Variants in ARMH4 observed in about 807,000 individuals in gnomAD.
ARMH4 encodes the protein armadillo-like helical domain-containing protein 4.
In ARMH4, 49 loss-of-function variants were observed where a neutral mutation model predicts 61.9. The observed-to-expected ratio is 0.79, with a 90% CI of 0.63 to 1.00. ARMH4 has a LOEUF of 1.00. Among genes scored for constraint, ARMH4 ranks in the 50% least tolerant of loss-of-function variants. The probability of loss-of-function intolerance (pLI) is 0.00; values close to 1 mark genes in which losing one functional copy is unlikely to be tolerated. For missense variants in ARMH4, 934 were observed against 930.0 expected (o/e 1.00, Z -0.06); for synonymous variants, 368 against 341.5 (o/e 1.08, Z -0.85).
intron 4 of ARMH4, among the ~76,000 whole-genome samples, chr14:58,126,460 G>A (rs1886897649): frequency 6.6e-6 from 1 of 152,118 alleles, no homozygotes; most frequent in Admixed American, 6.6e-5. Context: ...AATAAATACT[G>A]GAATTGTTCT....
rs1326475863 is a variant in ARMH4 at position 58,002,750 on chromosome 14, G to A, written c.*1986C>T. 1 of 152,204 alleles carries A rather than the reference G, an allele frequency of 6.6e-6. No individual in the cohort carries two copies. Among genetic ancestry groups the A allele is most frequent in the African/African-American group, 2.4e-5 (1 of 41,440 alleles). The allele number at this position is 152,204 out of a possible 1,614,324, so 9.4% of individuals were successfully genotyped here. On this transcript the variant is annotated 3_prime_UTR_variant, in exon 8 of 8. Coordinates refer to ENST00000267485, the MANE Select transcript of ARMH4 (RefSeq NM_001001872.4). ...GAAAACATCCCTTATGCAATATCAG[G>A]ATGTCTCTACTCGTGAAATTACAAA...
intron 5 of ARMH4, among the ~76,000 whole-genome samples, chr14:58,016,634 T>G (rs11850289): frequency 0.29 from 43,624 of 152,176 alleles, 6,419 homozygotes; most frequent in African/African-American, 0.31. Context: ...GACAGTAGAT[T>G]GCTGATAGTG....
intron 5 of ARMH4, among the ~76,000 whole-genome samples, chr14:58,026,072 C>G (rs1281222090): frequency 6.6e-6 from 1 of 151,718 alleles, no homozygotes; most frequent in Non-Finnish European, 1.5e-5. Context: ...CTGCAATCAA[C>G]TGTACATCCT....
At chr14:58,108,856 T>C (rs1886253183) in intron 4 of ARMH4, among the ~76,000 whole-genome samples, 1 of 152,240 alleles carries the variant, frequency 6.6e-6, no homozygotes, top group Non-Finnish European at 1.5e-5. Flanking sequence ...CCTTTGGCAC[T>C]GTCAAACATT....
chr14:58,118,528 GAGA>G (rs1234200424), intron 4 of ARMH4, among the ~76,000 whole-genome samples: 1 of 150,956 alleles, frequency 6.6e-6, no homozygotes, highest in Non-Finnish European at 1.5e-5. Flanking sequence ...AGTAGAAAAT[GAGA>G]AGTTTACCCT....
At chr14:58,005,863 T>C (rs1420921229) in intron 6 of ARMH4, among the ~76,000 whole-genome samples, 2 of 152,174 alleles carry the variant, frequency 1.3e-5, no homozygotes, top group Non-Finnish European at 2.9e-5. Context: ...TTTCTGTGAA[T>C]GGAATCACCT....
chr14:58,032,525 T>G (rs1481710084), intron 5 of ARMH4, among the ~76,000 whole-genome samples: 1 of 152,020 alleles, frequency 6.6e-6, no homozygotes, highest in African/African-American at 2.4e-5. Flanking sequence ...AAAGAAACAT[T>G]TAAAGAAATA....
intron 5 of ARMH4, among the ~76,000 whole-genome samples, chr14:58,041,533 C>T (rs551685513): frequency 2.0e-4 from 30 of 152,298 alleles, no homozygotes; most frequent in African/African-American, 7.0e-4. Flanking sequence ...GAAACTGCAT[C>T]AACTAACAAG....
chr14:58,007,144 C>T (rs1882208020), intron 6 of ARMH4, among the ~76,000 whole-genome samples: 1 of 152,086 alleles, frequency 6.6e-6, no homozygotes, highest in Non-Finnish European at 1.5e-5. Context: ...ACTTTAAGCC[C>T]AGATGATTAG....
intron 5 of ARMH4, among the ~76,000 whole-genome samples, chr14:58,053,230 T>C (rs1456797494): frequency 2.0e-5 from 3 of 152,238 alleles, no homozygotes; most frequent in Non-Finnish European, 4.4e-5. Flanking sequence ...GCCGGAGTGA[T>C]GCCTTTAAAA....
chr14:58,139,532 G>A, intron 1 of ARMH4, 118 bp from the exon 2 acceptor site: 1 of 637,254 alleles, frequency 1.6e-6, no homozygotes, highest in East Asian at 2.8e-5. Context: ...GAGATGGTAG[G>A]TAGGAGAGGA....
At position 58,005,178 on chromosome 14, in the gene ARMH4, C is replaced by G. The variant is rs766680136; in HGVS notation, c.2126G>C (p.Gly709Ala). 3 of 1,613,914 alleles carry G rather than the reference C, an allele frequency of 1.9e-6. No homozygotes were observed. In the East Asian group the frequency reaches 6.7e-5, roughly 36 times the overall value. ...SWMEKLKDKAGYMSGMLVPVG... is the reference protein window; with the variant it reads ...SWMEKLKDKAAYMSGMLVPVG... ...AGGCACCAGCATCCCAGACATGTAA[C>G]CAGCCTGCATAGAAAAGGAAACACA... The change falls in exon 7 of 8, where the codon GGT (glycine) becomes GCT (alanine). Residue 709 changes from glycine to alanine, a missense_variant. Coordinates refer to ENST00000267485, the MANE Select transcript of ARMH4 (RefSeq NM_001001872.4).
In ARMH4 at chr14:58,101,048, G is replaced by A. The variant is rs184858709; in HGVS notation, c.1832-4067C>T. On this transcript the variant is annotated intron_variant, in intron 4 of 7. Transcript: ENST00000267485. ...CCACATCACCTGCCGCCTGTGTAGT[G>A]GGCACCTCATTGATGCAACCAGGGT... is the stretch of plus-strand genomic sequence containing the variant. The A allele has an allele frequency of 4.3e-3, 749 of 175,608 alleles. 2 individuals are homozygous for A. Among genetic ancestry groups the A allele is most frequent in the Non-Finnish European group, 7.6e-3 (610 of 80,370 alleles). 10.9% of individuals were successfully genotyped at this position (175,608 alleles called of 1,614,324 possible).
intron 5 of ARMH4, 120 bp from the exon 6 acceptor site, chr14:58,012,270 T>C (rs528459408): frequency 5.6e-4 from 304 of 542,858 alleles, no homozygotes; most frequent in Admixed American, 2.1e-3. Flanking sequence ...GGATTAACAA[T>C]ATAACATAAT....
At chr14:58,072,621 T>G (rs932553347) in intron 5 of ARMH4, among the ~76,000 whole-genome samples, 1 of 151,406 alleles carries the variant, frequency 6.6e-6, no homozygotes, top group Non-Finnish European at 1.5e-5. Flanking sequence ...ACTCAGGAGG[T>G]TGAGGCAGGA....
intron 5 of ARMH4, among the ~76,000 whole-genome samples, chr14:58,023,588 T>G (rs1882921073): frequency 6.6e-6 from 1 of 152,238 alleles, no homozygotes; most frequent in Non-Finnish European, 1.5e-5. Flanking sequence ...CTCCTGTTAA[T>G]GATAGCTTGT....
chr14:58,081,704 G>A (rs117334169), intron 5 of ARMH4, among the ~76,000 whole-genome samples: 4,819 of 151,690 alleles, frequency 0.032, 120 homozygotes, highest in Middle Eastern at 0.058. Flanking sequence ...GGGTTTCACC[G>A]TGTTAGTTAG....
chr14:58,082,394 C>A (rs1450690562), intron 5 of ARMH4, among the ~76,000 whole-genome samples: 1 of 152,164 alleles, frequency 6.6e-6, no homozygotes, highest in Non-Finnish European at 1.5e-5. Flanking sequence ...GATAAATGGG[C>A]TTTTGCTTCA....
chr14:58,099,471 T>C (rs1207094215), intron 4 of ARMH4, among the ~76,000 whole-genome samples: 1 of 152,182 alleles, frequency 6.6e-6, no homozygotes, highest in Non-Finnish European at 1.5e-5. Context: ...GGTGTCCCTC[T>C]GGCTTGGACA....
Sources: allele counts gnomAD v4.1 joint callset (sites outside exome capture counted in the v4.1 genomes callset), GRCh38; gene constraint gnomAD v4.1.1; transcripts MANE v1.5; gene names NCBI Gene and HGNC (gene_info 2026-07-23, HGNC 2026-07-21).